KCND2: variants seen among roughly 807,000 people sequenced by gnomAD.
The protein encoded by KCND2 is A-type voltage-gated potassium channel KCND2.
In KCND2, 16 loss-of-function variants were observed where a neutral mutation model predicts 54.4. That is an observed-to-expected ratio of 0.29 (90% CI 0.20 to 0.45). The LOEUF is 0.45. Ranked by LOEUF, KCND2 falls within the 20% of genes least tolerant of loss-of-function variation. The pLI is 1.00. For missense variants in KCND2, 486 were observed against 824.2 expected, an observed-to-expected ratio of 0.59 and a Z score of 5.02; for synonymous variants, 317 against 310.7, an observed-to-expected ratio of 1.02 and a Z score of -0.21.
At chr7:120,437,377 A>AT (rs2116183566) in intron 1 of KCND2, among the ~76,000 whole-genome samples, 1 of 151,586 alleles carries the variant, frequency 6.6e-6, no homozygotes, top group South Asian at 2.1e-4. Flanking sequence ...TAATTTTTGT[A>AT]TTTTTAGTAG....
chr7:120,358,949 A>C, intron 1 of KCND2, among the ~76,000 whole-genome samples: 1 of 152,196 alleles, frequency 6.6e-6, no homozygotes, highest in East Asian at 1.9e-4. Context: ...TTGTAAACTT[A>C]ATATTGACTC....
chr7:120,672,670 C>T (rs1210426456), intron 1 of KCND2, among the ~76,000 whole-genome samples: 1 of 152,034 alleles, frequency 6.6e-6, no homozygotes, highest in Non-Finnish European at 1.5e-5. Flanking sequence ...CCAGATCTAT[C>T]AGCAGATCAG....
At chr7:120,411,276 A>C (rs986869219) in intron 1 of KCND2, among the ~76,000 whole-genome samples, 1 of 151,826 alleles carries the variant, frequency 6.6e-6, no homozygotes, top group Non-Finnish European at 1.5e-5. Flanking sequence ...AAGATCATTT[A>C]TATAGACCCC....
chr7:120,481,619 G>A (rs1802608900), intron 1 of KCND2, among the ~76,000 whole-genome samples: 2 of 152,144 alleles, frequency 1.3e-5, no homozygotes, highest in Non-Finnish European at 2.9e-5. Flanking sequence ...TTTCAGGGGT[G>A]AGCCCTGGGT....
intron 1 of KCND2, among the ~76,000 whole-genome samples, chr7:120,725,891 T>C (rs769337602): frequency 1.4e-4 from 22 of 152,316 alleles, no homozygotes; most frequent in South Asian, 2.1e-4. Flanking sequence ...CCTGACTCCC[T>C]TGAATTTATC....
chr7:120,313,767 A>G (rs1416519517), intron 1 of KCND2, among the ~76,000 whole-genome samples: 1 of 88,456 alleles, frequency 1.1e-5, no homozygotes, highest in Non-Finnish European at 2.6e-5. Flanking sequence ...TTGTAGATTT[A>G]AAGAACAGTA....
intron 1 of KCND2, among the ~76,000 whole-genome samples, chr7:120,281,480 T>C (rs73429957): frequency 0.021 from 3,231 of 151,484 alleles, 131 homozygotes; most frequent in African/African-American, 0.074. Context: ...ATATTTGCAC[T>C]GCTCTTTGAA....
At chr7:120,502,893 T>C (rs146090583) in intron 1 of KCND2, among the ~76,000 whole-genome samples, 84 of 152,206 alleles carry the variant, frequency 5.5e-4, no homozygotes, top group African/African-American at 1.9e-3. Context: ...ACAGTTAGAC[T>C]CACAGCACAA....
At chr7:120,738,639 T>G (rs1018445807) in intron 2 of KCND2, among the ~76,000 whole-genome samples, 3 of 152,058 alleles carry the variant, frequency 2.0e-5, no homozygotes, top group Non-Finnish European at 4.4e-5. Flanking sequence ...CCATATTATT[T>G]GCTGGTACTT....
chr7:120,611,264 A>T (rs1408163926), intron 1 of KCND2, among the ~76,000 whole-genome samples: 1 of 152,228 alleles, frequency 6.6e-6, no homozygotes, highest in Non-Finnish European at 1.5e-5. Context: ...TGTGCTTTTT[A>T]AAAATGTGAA....
intron 1 of KCND2, among the ~76,000 whole-genome samples, chr7:120,597,794 G>A (rs1792764201): frequency 6.6e-6 from 1 of 152,106 alleles, no homozygotes; most frequent in South Asian, 2.1e-4. Context: ...AAGGCTATTT[G>A]GGTAATATAC....
intron 1 of KCND2, among the ~76,000 whole-genome samples, chr7:120,655,956 T>C (rs922470496): frequency 6.6e-6 from 1 of 152,158 alleles, no homozygotes; most frequent in Non-Finnish European, 1.5e-5. Flanking sequence ...CTTGATTGCA[T>C]ACACTCAATC....
intron 1 of KCND2, among the ~76,000 whole-genome samples, chr7:120,660,344 G>C (rs1791851018): frequency 6.6e-6 from 1 of 152,088 alleles, no homozygotes; most frequent in South Asian, 2.1e-4. Context: ...ATTATATAAA[G>C]AAAGCTTCCT....
chr7:120,742,238 A>G (rs1792950665), intron 3 of KCND2: 1 of 414,734 alleles, frequency 2.4e-6, no homozygotes, highest in Non-Finnish European at 4.5e-6. Flanking sequence ...ACAGATTCCC[A>G]TCTTACAAAC....
At chr7:120,350,679 A>G (rs1294332016) in intron 1 of KCND2, among the ~76,000 whole-genome samples, 1 of 152,158 alleles carries the variant, frequency 6.6e-6, no homozygotes, top group Non-Finnish European at 1.5e-5. Context: ...ATTTCAGAAT[A>G]TTTTGCTTAT....
chr7:120,419,529 C>T (rs114817305), intron 1 of KCND2, among the ~76,000 whole-genome samples: 2,011 of 152,186 alleles, frequency 0.013, 44 homozygotes, highest in African/African-American at 0.046. Context: ...AATATGAGAC[C>T]GCTCTTGGTG....
chr7:120,577,193 T>C (rs1340821325), intron 1 of KCND2, among the ~76,000 whole-genome samples: 1 of 151,976 alleles, frequency 6.6e-6, no homozygotes, highest in Non-Finnish European at 1.5e-5. Flanking sequence ...ATCAATTTAA[T>C]ATTTTAAGAA....
At chr7:120,710,320 A>G (rs1672684962) in intron 1 of KCND2, among the ~76,000 whole-genome samples, 1 of 152,182 alleles carries the variant, frequency 6.6e-6, no homozygotes, top group South Asian at 2.1e-4. Context: ...TTGCTTTGCC[A>G]TTGATTGAGG....
At chr7:120,408,694 CAT>C (rs1426166242) in intron 1 of KCND2, among the ~76,000 whole-genome samples, 2 of 151,894 alleles carry the variant, frequency 1.3e-5, no homozygotes, top group Non-Finnish European at 2.9e-5. Context: ...GACACACACA[CAT>C]GTGCACATAC....
Sources: allele counts gnomAD v4.1 joint callset (sites outside exome capture counted in the v4.1 genomes callset), GRCh38; gene constraint gnomAD v4.1.1; transcripts MANE v1.5; gene names NCBI Gene and HGNC (gene_info 2026-07-23, HGNC 2026-07-21).